The following SMIM36 variants were observed in gnomAD, a reference collection of about 807,000 sequenced individuals.
The protein encoded by SMIM36 is small integral membrane protein 36.
chr17:55,465,236 T>C (rs966781343), intron 4 of SMIM36, among the ~76,000 whole-genome samples: 3 of 152,214 alleles, frequency 2.0e-5, no homozygotes, highest in African/African-American at 7.2e-5. Flanking sequence ...TAATATCATT[T>C]TGGAGTCAGA....
the SMIM36 span, among the ~76,000 whole-genome samples, chr17:55,531,214 C>A: frequency 6.6e-6 from 1 of 152,152 alleles, no homozygotes; most frequent in Non-Finnish European, 1.5e-5. Flanking sequence ...CCTTTTCTTC[C>A]GCTGACCTCC....
At chr17:55,527,228 T>G in the SMIM36 span, 1 of 152,194 alleles carries the variant, frequency 6.6e-6, no homozygotes, top group African/African-American at 2.4e-5. Flanking sequence ...ATGGACCAAT[T>G]ATCTCTGGCT....
At chr17:55,509,478 C>T (rs1005428068) in intron 1 of SMIM36, among the ~76,000 whole-genome samples, 3 of 152,152 alleles carry the variant, frequency 2.0e-5, no homozygotes, top group Non-Finnish European at 2.9e-5. Flanking sequence ...CAACATTATT[C>T]GAATATTTCT....
intron 1 of SMIM36, among the ~76,000 whole-genome samples, chr17:55,483,589 G>T (rs1171000550): frequency 6.6e-6 from 1 of 152,126 alleles, no homozygotes; most frequent in African/African-American, 2.4e-5. Context: ...ACTCTCCTCT[G>T]GGTTTCTAGT....
At chr17:55,498,659 A>AT (rs933676292) in intron 1 of SMIM36, among the ~76,000 whole-genome samples, 5 of 151,470 alleles carry the variant, frequency 3.3e-5, no homozygotes, top group African/African-American at 9.7e-5. Flanking sequence ...GGTATATATC[A>AT]TTTTTTTAGT....
intron 4 of SMIM36, among the ~76,000 whole-genome samples, chr17:55,455,634 C>A (rs113815006): frequency 2.6e-4 from 39 of 151,716 alleles, no homozygotes; most frequent in African/African-American, 9.2e-4. Context: ...TACGAAAAAT[C>A]AAAAAAATTA....
chr17:55,517,142 A>G, the SMIM36 span, among the ~76,000 whole-genome samples: 12 of 152,228 alleles, frequency 7.9e-5, no homozygotes, highest in African/African-American at 2.9e-4. Flanking sequence ...ACAATGTCCA[A>G]GAAAGGTAGC....
At chr17:55,517,510 C>T in the SMIM36 span, among the ~76,000 whole-genome samples, 2 of 152,326 alleles carry the variant, frequency 1.3e-5, no homozygotes, top group East Asian at 3.9e-4. Flanking sequence ...CTGCAGTGAG[C>T]TGAGATCGTG....
At chr17:55,470,930 A>C (rs989539768) in intron 3 of SMIM36, among the ~76,000 whole-genome samples, 2 of 151,978 alleles carry the variant, frequency 1.3e-5, no homozygotes, top group Non-Finnish European at 2.9e-5. Flanking sequence ...CAACTCCCCC[A>C]TCCTACCCGT....
intron 1 of SMIM36, among the ~76,000 whole-genome samples, chr17:55,500,830 T>TATATTATAATATATTATATTTTATA (rs1909904222): frequency 5.6e-5 from 1 of 17,852 alleles, no homozygotes; most frequent in Non-Finnish European, 9.9e-5. Flanking sequence ...TATTTTATAA[T>TATATTATAATATATTATATTTTATA]ATATATTATA....
intron 3 of SMIM36, among the ~76,000 whole-genome samples, chr17:55,475,619 C>T (rs976373594): frequency 1.3e-5 from 2 of 152,148 alleles, no homozygotes; most frequent in African/African-American, 2.4e-5. Flanking sequence ...ATCAGTCTGG[C>T]TTGGTATATG....
intron 3 of SMIM36, among the ~76,000 whole-genome samples, chr17:55,475,667 G>A (rs143390767): frequency 2.9e-3 from 445 of 152,206 alleles, no homozygotes; most frequent in African/African-American, 9.8e-3. Flanking sequence ...TCAAAAACTC[G>A]CCAACCAAGC....
upstream of SMIM36, among the ~76,000 whole-genome samples, chr17:55,512,987 G>A (rs954324111): frequency 3.9e-5 from 6 of 152,134 alleles, no homozygotes; most frequent in Admixed American, 1.3e-4. Flanking sequence ...ATCTGGAGAC[G>A]TTTTTCCAAA....
At chr17:55,508,875 A>T (rs1214830634) in intron 1 of SMIM36, among the ~76,000 whole-genome samples, 3 of 149,046 alleles carry the variant, frequency 2.0e-5, no homozygotes, top group Non-Finnish European at 4.4e-5. Context: ...GTGAGCCGAG[A>T]TCGTGCCATT....
chr17:55,512,087 GGGTAAGA>G (rs1910191351), upstream of SMIM36, among the ~76,000 whole-genome samples: 1 of 152,178 alleles, frequency 6.6e-6, no homozygotes, highest in African/African-American at 2.4e-5. Flanking sequence ...GACAAATAGA[GGGTAAGA>G]GGACAGCGTG....
At chr17:55,466,299 A>AAG in intron 4 of SMIM36, among the ~76,000 whole-genome samples, 1 of 150,948 alleles carries the variant, frequency 6.6e-6, no homozygotes, top group African/African-American at 2.4e-5. Context: ...AAAAAAAAAA[A>AAG]AAAGAAAGTG....
intron 1 of SMIM36, among the ~76,000 whole-genome samples, chr17:55,509,766 A>G (rs1910147595): frequency 6.6e-6 from 1 of 152,182 alleles, no homozygotes; most frequent in African/African-American, 2.4e-5. Context: ...TAATAAAAAT[A>G]CACACAATGG....
chr17:55,457,293 C>CA (rs965871780), intron 4 of SMIM36, among the ~76,000 whole-genome samples: 5 of 150,784 alleles, frequency 3.3e-5, no homozygotes, highest in Non-Finnish European at 7.4e-5. Context: ...ACTAAAAATA[C>CA]AAAAAAAATT....
At chr17:55,502,284 CAA>C (rs1254591010) in intron 1 of SMIM36, among the ~76,000 whole-genome samples, 2 of 145,906 alleles carry the variant, frequency 1.4e-5, no homozygotes, top group Non-Finnish European at 3.0e-5. Context: ...CACAGACAAA[CAA>C]AAAGACAGCA....
Sources: allele counts gnomAD v4.1 joint callset (sites outside exome capture counted in the v4.1 genomes callset), GRCh38; gene constraint gnomAD v4.1.1; transcripts MANE v1.5; gene names NCBI Gene and HGNC (gene_info 2026-07-23, HGNC 2026-07-21).